The following CDH9 variants were observed in gnomAD, a reference collection of about 807,000 sequenced individuals.
The protein encoded by CDH9 is cadherin-9.
CDH9 carries 28 observed loss-of-function variants against 70.9 expected under a neutral mutation model. That is an observed-to-expected ratio of 0.40 (90% CI 0.29 to 0.54). CDH9 has a LOEUF of 0.54. CDH9 is among the 20% of genes least tolerant of loss of function. The probability of loss-of-function intolerance (pLI) is 0.59; values close to 1 mark genes in which losing one functional copy is unlikely to be tolerated. For missense variants in CDH9, 874 were observed against 984.4 expected, an observed-to-expected ratio of 0.89 and a Z score of 1.50; for synonymous variants, 409 against 343.1, an observed-to-expected ratio of 1.19 and a Z score of -2.12.
At chr5:26,912,006 G>A (rs1305995969) in intron 3 of CDH9, among the ~76,000 whole-genome samples, 1 of 151,796 alleles carries the variant, frequency 6.6e-6, no homozygotes, top group Non-Finnish European at 1.5e-5. Flanking sequence ...GGAAATAAGG[G>A]GCAGATAAAT....
intron 2 of CDH9, among the ~76,000 whole-genome samples, chr5:26,972,387 T>A (rs971271711): frequency 3.9e-5 from 6 of 152,164 alleles, no homozygotes; most frequent in Non-Finnish European, 5.9e-5. Flanking sequence ...CATCTGTTTT[T>A]CTGGAAACTA....
intron 1 of CDH9, among the ~76,000 whole-genome samples, chr5:26,988,824 C>T (rs1041956111): frequency 6.6e-6 from 1 of 151,930 alleles, no homozygotes; most frequent in Non-Finnish European, 1.5e-5. Flanking sequence ...TTTTAGTAAA[C>T]TGTTTTTCTC....
chr5:26,883,123 A>G (rs1740501001), intron 11 of CDH9, among the ~76,000 whole-genome samples: 1 of 132,050 alleles, frequency 7.6e-6, no homozygotes, highest in East Asian at 2.2e-4. Flanking sequence ...AGACCTCTGT[A>G]CTCTTCTTTT....
intron 2 of CDH9, among the ~76,000 whole-genome samples, chr5:26,985,965 C>A (rs1028673748): frequency 1.3e-5 from 2 of 151,436 alleles, no homozygotes; most frequent in Non-Finnish European, 2.9e-5. Context: ...GAGTAAATGC[C>A]CTTAATAAGT....
At chr5:26,955,335 A>G (rs1741927728) in intron 2 of CDH9, among the ~76,000 whole-genome samples, 1 of 152,226 alleles carries the variant, frequency 6.6e-6, no homozygotes, top group Non-Finnish European at 1.5e-5. Context: ...TCCTAAGGCA[A>G]CATAAGTGTG....
At chr5:26,985,282 C>T (rs1579494552) in intron 2 of CDH9, among the ~76,000 whole-genome samples, 1 of 151,992 alleles carries the variant, frequency 6.6e-6, no homozygotes, top group Non-Finnish European at 1.5e-5. Flanking sequence ...TCCCTAATGG[C>T]AGGCCTTTCC....
At chr5:27,008,073 G>A (rs567400010) in intron 1 of CDH9, among the ~76,000 whole-genome samples, 36 of 152,154 alleles carry the variant, frequency 2.4e-4, no homozygotes, top group African/African-American at 8.2e-4. Context: ...GAGGAGATAC[G>A]GATTAATATT....
intron 2 of CDH9, among the ~76,000 whole-genome samples, chr5:26,964,525 G>A (rs888199933): frequency 1.6e-4 from 25 of 152,086 alleles, no homozygotes; most frequent in Non-Finnish European, 3.4e-4. Flanking sequence ...CAACCTATAT[G>A]CAGTTTGTAT....
At chr5:26,881,772 C>A in intron 11 of CDH9, 149 bp from the exon 12 acceptor site, 1 of 692,756 alleles carries the variant, frequency 1.4e-6, no homozygotes, top group Non-Finnish European at 2.3e-6. Context: ...CAGAGTTCCT[C>A]TAGGCAATGA....
At chr5:26,944,009 A>C (rs1741705536) in intron 2 of CDH9, among the ~76,000 whole-genome samples, 1 of 152,128 alleles carries the variant, frequency 6.6e-6, no homozygotes, top group African/African-American at 2.4e-5. Flanking sequence ...AATTCACAAC[A>C]ATTGCATTCT....
At chr5:26,909,535 T>A (rs1424842126) in intron 3 of CDH9, among the ~76,000 whole-genome samples, 1 of 149,518 alleles carries the variant, frequency 6.7e-6, no homozygotes, top group African/African-American at 2.5e-5. Context: ...CCATTTTTTT[T>A]CTTTTTTTTT....
intron 1 of CDH9, among the ~76,000 whole-genome samples, chr5:27,013,692 T>C (rs1480880423): frequency 6.6e-6 from 1 of 151,946 alleles, no homozygotes. Flanking sequence ...GATGAATATA[T>C]ATTGCAAGAA....
chr5:26,910,147 G>A (rs1282299338), intron 3 of CDH9, among the ~76,000 whole-genome samples: 2 of 151,990 alleles, frequency 1.3e-5, no homozygotes, highest in Admixed American at 1.3e-4. Context: ...ATATGAAAAT[G>A]TTTTGAATCT....
intron 5 of CDH9, among the ~76,000 whole-genome samples, chr5:26,905,708 AT>A (rs750846414): frequency 3.9e-5 from 6 of 152,180 alleles, no homozygotes; most frequent in Non-Finnish European, 7.3e-5. Context: ...AGAGAAGTTA[AT>A]TTAAAAGTTG....
chr5:27,003,095 C>T (rs1250557048), intron 1 of CDH9, among the ~76,000 whole-genome samples: 2 of 151,890 alleles, frequency 1.3e-5, no homozygotes, highest in Non-Finnish European at 2.9e-5. Flanking sequence ...TTACGTTATT[C>T]TTATGAGTTG....
chr5:26,974,464 T>G (rs983399641), intron 2 of CDH9, among the ~76,000 whole-genome samples: 1 of 152,098 alleles, frequency 6.6e-6, no homozygotes, highest in Non-Finnish European at 1.5e-5. Context: ...ACAATAGGAC[T>G]ATAGAGAATG....
intron 2 of CDH9, among the ~76,000 whole-genome samples, chr5:26,964,392 A>C (rs1260372364): frequency 1.3e-5 from 2 of 152,208 alleles, no homozygotes; most frequent in African/African-American, 2.4e-5. Context: ...ATGTAAAATC[A>C]TAAAATGTGT....
At chr5:26,946,862 T>C (rs1186470406) in intron 2 of CDH9, among the ~76,000 whole-genome samples, 3 of 152,130 alleles carry the variant, frequency 2.0e-5, no homozygotes, top group African/African-American at 7.2e-5. Context: ...CCTCAGCTTA[T>C]TCTATCAAGC....
At chr5:26,971,006 TTC>T (rs1372003471) in intron 2 of CDH9, among the ~76,000 whole-genome samples, 4 of 152,188 alleles carry the variant, frequency 2.6e-5, no homozygotes, top group Admixed American at 6.5e-5. Context: ...TTAGAAATGC[TTC>T]TGACATAGAA....
Sources: allele counts gnomAD v4.1 joint callset (sites outside exome capture counted in the v4.1 genomes callset), GRCh38; gene constraint gnomAD v4.1.1; transcripts MANE v1.5; gene names NCBI Gene and HGNC (gene_info 2026-07-23, HGNC 2026-07-21).